Variants in STAT1 observed in about 807,000 individuals in gnomAD.
The protein encoded by STAT1 is signal transducer and activator of transcription 1.
STAT1 carries 24 observed loss-of-function variants against 111.7 expected under a neutral mutation model. The ratio of observed to expected loss-of-function variants is 0.21; its 90% CI spans 0.16 to 0.30. The LOEUF (loss-of-function observed/expected upper bound fraction) is 0.30. Ranked by LOEUF, STAT1 falls within the 10% of genes least tolerant of loss-of-function variation. The pLI, the probability that STAT1 is intolerant of heterozygous loss-of-function variation, is 1.00. For synonymous variants in STAT1, 332 were observed against 326.5 expected (o/e 1.02, Z -0.18); for missense variants, 351 against 911.9 (o/e 0.38, Z 7.92).
chr2:191,010,239 C>G (rs1326979800), intron 2 of STAT1: 14 of 512,382 alleles, frequency 2.7e-5, no homozygotes, highest in Non-Finnish European at 4.4e-5. Context: ...TGCTTATTGT[C>G]AACATATCAG....
rs778675208 is a variant in STAT1, at chr2:190,980,594, G to A, written c.1632+26C>T. ...CAACCAAGAGCAAAAAGGACTTAGA[G>A]AGCATAAAACCCAGACAGTCCTCAC... is the stretch of plus-strand genomic sequence containing the variant. On this transcript the variant is annotated intron_variant, in intron 19 of 24. Transcript: ENST00000361099. The surrounding 1 kb of genome is among the most constrained non-coding windows in gnomAD (Gnocchi z 6.1). 6.2e-7 allele frequency: 1 copy of A among 1,612,882 alleles called. No homozygotes were observed. Among genetic ancestry groups the A allele is most frequent in the South Asian group, 1.1e-5 (1 of 91,046 alleles).
rs932937832 is a variant in STAT1, at chr2:190,999,843, G to C, written c.463-139C>G. Reference sequence around the variant, plus strand: ...CCCAAAAAGAGATCTGACTTGGACAGTTCTAATCATATACATGAAATAATT... The same window carrying C: ...CCCAAAAAGAGATCTGACTTGGACACTTCTAATCATATACATGAAATAATT... On this transcript the variant is annotated intron_variant, in intron 6 of 24. Transcript: ENST00000361099. The surrounding 1 kb of genome is among the most constrained non-coding windows in gnomAD (Gnocchi z 4.1). The C allele has an allele frequency of 3.0e-6, 2 of 658,338 alleles. No individual in the cohort carries two copies. The highest frequency in any genetic ancestry group is 3.7e-5 in the African/African-American group (2 of 54,698). The allele number at this position is 658,338 out of a possible 1,614,324, so 40.8% of individuals were successfully genotyped here. A position where few individuals can be genotyped will look rare whatever the true frequency, so the allele number is the denominator to read the frequency against.
chr2:190,984,410 AAAG>A lies in STAT1; in HGVS notation c.1264-20_1264-18del, dbSNP rs754166733. On this transcript the variant is annotated intron_variant, in intron 15 of 24. Coordinates refer to ENST00000361099, the MANE Select transcript of STAT1 (RefSeq NM_007315.4). This position sits in a 1 kb window ranked among gnomAD's most constrained non-coding sequence, Gnocchi z 5.2. ...GAGAGGACCCTTGGAAGAGAAAAGG[AAAG>A]AAGAAAAGAATATAATTATTCACAG... 28 of 1,597,008 alleles carry A rather than the reference AAAG, an allele frequency of 1.8e-5. 1 individual carries two copies. In the South Asian group the frequency reaches 3.1e-4, roughly 18 times the overall value.
At chr2:191,010,418 G>C in intron 2 of STAT1, 1 of 470,558 alleles carries the variant, frequency 2.1e-6, no homozygotes, top group Non-Finnish European at 4.4e-6. Context: ...AGGGATGGAT[G>C]TTGGTGGAGG....
rs1178800891 is a variant in STAT1 at position 191,012,507 on chromosome 2, T to A, written c.-2+1018A>T. 6.6e-6 allele frequency among the ~76,000 whole-genome samples: 1 copy of A among 151,750 alleles called. No individual in the cohort carries two copies. Among genetic ancestry groups the A allele is most frequent in the African/African-American group, 2.4e-5 (1 of 41,234 alleles). ...CAAAACCTGTTACCAACTCAGGGAG[T>A]GGCATGGCCATCTCCCAGTCACTGA... On this transcript the variant is annotated intron_variant, in intron 2 of 24. Transcript: ENST00000361099. The surrounding 1 kb of genome is among the most constrained non-coding windows in gnomAD (Gnocchi z 4.0).
chr2:190,998,913 G>C lies in STAT1; in HGVS notation c.542-605C>G, dbSNP rs1694054357. On this transcript the variant is annotated intron_variant, in intron 7 of 24. Coordinates refer to ENST00000361099, the MANE Select transcript of STAT1 (RefSeq NM_007315.4). This position sits in a 1 kb window ranked among gnomAD's most constrained non-coding sequence, Gnocchi z 4.1. ...GTAGCTTTCAAAGAGAAGTAGATGAGTAGGAAGTGGTAGTTGAAGTTGCTG... is the reference window on the plus strand; with the variant it reads ...GTAGCTTTCAAAGAGAAGTAGATGACTAGGAAGTGGTAGTTGAAGTTGCTG... Among the ~76,000 whole-genome samples the C allele has an allele frequency of 6.6e-6, 1 of 152,062 alleles. No individual in the cohort carries two copies. The highest frequency in any genetic ancestry group is 2.1e-4 in the South Asian group (1 of 4,824).
Position 190,987,870 on chromosome 2 carries a change from G to GA in STAT1, c.1098-803dup, listed in dbSNP as rs1042604563. On this transcript the variant is annotated intron_variant, in intron 12 of 24. Transcript: ENST00000361099. The surrounding 1 kb of genome is among the most constrained non-coding windows in gnomAD (Gnocchi z 4.0). The stretch of plus-strand genomic sequence containing the variant: ...TGGAAGGGACCTATTTTCCCGTTTG[G>GA]AAAAAAAAAGAATTTAAAATAAAAG... Among the ~76,000 whole-genome samples the GA allele has an allele frequency of 2.7e-5, 4 of 150,144 alleles. No homozygotes were observed. Among genetic ancestry groups the GA allele is most frequent in the Non-Finnish European group, 5.9e-5 (4 of 67,520 alleles).
In STAT1 at chr2:190,980,507, G is replaced by T; in HGVS notation, c.1632+113C>A. On this transcript the variant is annotated intron_variant, in intron 19 of 24. Transcript: ENST00000361099. The surrounding 1 kb of genome is among the most constrained non-coding windows in gnomAD (Gnocchi z 6.1). ...TTGCCCGAGGGGCTCCTTGGCCAGA[G>T]AAGAACACGCCAAAATAAGCAAACA... The T allele has an allele frequency of 7.7e-7, 1 of 1,291,324 alleles. No homozygotes were observed. The allele number at this position is 1,291,324 out of a possible 1,614,324, so 80.0% of individuals were successfully genotyped here.
rs374196551 is a variant in STAT1 at position 190,981,610 on chromosome 2, T to C, written c.1582+773A>G. Among the ~76,000 whole-genome samples, 294 of 152,358 alleles carry C rather than the reference T, an allele frequency of 1.9e-3. 1 individual carries two copies. The highest frequency in any genetic ancestry group is 6.9e-3 in the African/African-American group (287 of 41,580). ...AGCACAAGACCACCACTGTGACAGC[T>C]GCATATCCAAGAGAAGAAGGCACTG... On this transcript the variant is annotated intron_variant, in intron 18 of 24. Coordinates refer to ENST00000361099, the MANE Select transcript of STAT1 (RefSeq NM_007315.4). This position sits in a 1 kb window ranked among gnomAD's most constrained non-coding sequence, Gnocchi z 4.1.
rs1693507997 is a variant in STAT1, at chr2:190,993,060, G to C, written c.945-1740C>G. The C allele has an allele frequency of 2.9e-6, 1 of 343,174 alleles. No individual in the cohort carries two copies. 21.3% of individuals were successfully genotyped at this position (343,174 alleles called of 1,614,324 possible). A position where few individuals can be genotyped will look rare whatever the true frequency, so the allele number is the denominator to read the frequency against. ...CCACCTCGGCCTCCCAAAGTGCTGGGATTACAGGCATGAGCCACCGTGCCG... is the reference window on the plus strand; with the variant it reads ...CCACCTCGGCCTCCCAAAGTGCTGGCATTACAGGCATGAGCCACCGTGCCG... On this transcript the variant is annotated intron_variant, in intron 10 of 24. Transcript: ENST00000361099. This position sits in a 1 kb window ranked among gnomAD's most constrained non-coding sequence, Gnocchi z 4.1.
At chr2:190,985,749 G>C in intron 14 of STAT1, 89 bp from the exon 15 acceptor site, 2 of 1,370,910 alleles carry the variant, frequency 1.5e-6, no homozygotes, top group Non-Finnish European at 2.1e-6. Context: ...GTTAGGACTA[G>C]AAAGAATGAC....
Position 190,977,897 on chromosome 2 carries a change from T to C in STAT1, c.1874-872A>G, listed in dbSNP as rs561079760. On this transcript the variant is annotated intron_variant, in intron 21 of 24. Coordinates refer to ENST00000361099, the MANE Select transcript of STAT1 (RefSeq NM_007315.4). This position sits in a 1 kb window ranked among gnomAD's most constrained non-coding sequence, Gnocchi z 4.7. ...CCCTGCTTTTTCCTCAGAAGAAAAA[T>C]AGAACAAGAAAAGTATTCCAGAAAA... 1.7e-4 allele frequency among the ~76,000 whole-genome samples: 25 copies of C among 150,240 alleles called. No homozygotes were observed. In the South Asian group the frequency reaches 4.0e-3, roughly 24 times the overall value.
rs1559024685 is a variant in STAT1 at position 191,007,691 on chromosome 2, A to T, written c.274-30T>A. ...ATTTGAGTGGTTAGAACAAAAATAA[A>T]TTAAAATGCAGAATGTTTACTTTAT... On this transcript the variant is annotated intron_variant, in intron 4 of 24. Transcript: ENST00000361099. The surrounding 1 kb of genome is among the most constrained non-coding windows in gnomAD (Gnocchi z 4.2). 1 of 1,467,724 alleles carries T rather than the reference A, an allele frequency of 6.8e-7. No individual in the cohort carries two copies. The highest frequency in any genetic ancestry group is 1.7e-5 in the Admixed American group (1 of 59,808). The allele number at this position is 1,467,724 out of a possible 1,614,324, so 90.9% of individuals were successfully genotyped here. A position where few individuals can be genotyped will look rare whatever the true frequency, so the allele number is the denominator to read the frequency against.
In STAT1 at chr2:190,979,104, A is replaced by G. The variant is rs2280235; in HGVS notation, c.1728-103T>C. 0.26 allele frequency: 379,335 copies of G among 1,473,594 alleles called. 51,436 individuals are homozygous for G. The highest frequency in any genetic ancestry group is 0.54 in the East Asian group (22,713 of 42,152). The allele number at this position is 1,473,594 out of a possible 1,614,324, so 91.3% of individuals were successfully genotyped here. ...AAAATGGCTGGAATGTGAGAAAAAA[A>G]ACCTACGGTAAAAAACGTAGACTAT... On this transcript the variant is annotated intron_variant, in intron 20 of 24. Transcript: ENST00000361099. This position sits in a 1 kb window ranked among gnomAD's most constrained non-coding sequence, Gnocchi z 5.8.
In STAT1 at chr2:190,974,929, G is replaced by A. The variant is rs761039891; in HGVS notation, c.2139C>T (p.His713=). The A allele has an allele frequency of 7.4e-6, 12 of 1,613,612 alleles. No individual in the cohort carries two copies. The South Asian group carries it at 1.3e-4, about 18-fold the overall frequency. ...KTELISVSEV[H]PSRLQTTDNL... ...TGTCTGTGGTCTGAAGTCTAGAAGG[G>A]TGACTAAAATGGGGAAAAAGAAAAG... The change falls in exon 24 of 25, where the codon CAC becomes CAT. Residue 713 remains histidine (H), a synonymous_variant. Transcript: ENST00000361099. This position sits in a 1 kb window ranked among gnomAD's most constrained non-coding sequence, Gnocchi z 4.8.
Position 190,996,367 on chromosome 2 carries a change from C to T in STAT1, c.786-1148G>A, listed in dbSNP as rs1249351259. Among the ~76,000 whole-genome samples the T allele has an allele frequency of 6.6e-6, 1 of 152,230 alleles. No individual in the cohort carries two copies. Among genetic ancestry groups the T allele is most frequent in the African/African-American group, 2.4e-5 (1 of 41,460 alleles). The stretch of plus-strand genomic sequence containing the variant: ...TCGATTCCAGTTCAAAGCCCTGGGA[C>T]AGCAGCCCTTCGTCAGGAAAGGAGA... On this transcript the variant is annotated intron_variant, in intron 9 of 24. Coordinates refer to ENST00000361099, the MANE Select transcript of STAT1 (RefSeq NM_007315.4). The surrounding 1 kb of genome is among the most constrained non-coding windows in gnomAD (Gnocchi z 4.5).
In STAT1 at chr2:190,979,250, G is replaced by A. The variant is rs191034548; in HGVS notation, c.1728-249C>T. 2.0e-5 allele frequency among the ~76,000 whole-genome samples: 3 copies of A among 152,302 alleles called. No homozygotes were observed. Among genetic ancestry groups the A allele is most frequent in the Admixed American group, 6.5e-5 (1 of 15,306 alleles). ...GGATGCTACAGATGCTCAATAACAC[G>A]TGTGGGATTAATGAGCCTTTTATTG... On this transcript the variant is annotated intron_variant, in intron 20 of 24. Transcript: ENST00000361099. The surrounding 1 kb of genome is among the most constrained non-coding windows in gnomAD (Gnocchi z 5.8).
At chr2:191,011,625 GT>G (rs1695123961) in intron 2 of STAT1, among the ~76,000 whole-genome samples, 1 of 152,108 alleles carries the variant, frequency 6.6e-6, no homozygotes, top group Admixed American at 6.5e-5. Flanking sequence ...TAATTCCCAT[GT>G]GTTAAGGGCG....
At position 191,006,201 on chromosome 2, in the gene STAT1, A is replaced by G. The variant is rs576599870; in HGVS notation, c.372+1362T>C. 6.6e-6 allele frequency among the ~76,000 whole-genome samples: 1 copy of G among 152,302 alleles called. No individual in the cohort carries two copies. The highest frequency in any genetic ancestry group is 1.5e-5 in the Non-Finnish European group (1 of 68,024). On this transcript the variant is annotated intron_variant, in intron 5 of 24. Transcript: ENST00000361099. This position sits in a 1 kb window ranked among gnomAD's most constrained non-coding sequence, Gnocchi z 4.6. Reference sequence around the variant, plus strand: ...CCCACGCATACTACTTTTAGGATGGAAGCCCCATATAATCAAAACTGCCGG... The same window carrying G: ...CCCACGCATACTACTTTTAGGATGGGAGCCCCATATAATCAAAACTGCCGG...
Sources: allele counts gnomAD v4.1 joint callset (sites outside exome capture counted in the v4.1 genomes callset), GRCh38; gene constraint gnomAD v4.1.1; non-coding constraint Gnocchi (gnomAD v3.1); transcripts MANE v1.5; gene names NCBI Gene and HGNC (gene_info 2026-07-23, HGNC 2026-07-21).